HEMK1: variants seen among roughly 807,000 people sequenced by gnomAD.
HEMK1 encodes the protein MTRF1L release factor glutamine methyltransferase.
A neutral mutation model predicts 47.9 loss-of-function variants in HEMK1; 36 were observed. That is an observed-to-expected ratio of 0.75 (90% CI 0.58 to 0.99). HEMK1 has a LOEUF of 0.99. Ranked by LOEUF, HEMK1 falls within the 50% of genes least tolerant of loss-of-function variation. The pLI is 0.00. For synonymous variants in HEMK1, 153 were observed against 165.4 expected, an observed-to-expected ratio of 0.93 and a Z score of 0.57; for missense variants, 383 against 434.5, an observed-to-expected ratio of 0.88 and a Z score of 1.05.
At position 50,571,795 on chromosome 3, in the gene HEMK1, T is replaced by G. The variant is rs752776334; in HGVS notation, c.314T>G (p.Leu105Trp). The change falls in exon 3 of 11, where the codon TTG (leucine) becomes TGG (tryptophan). Residue 105 changes from leucine to tryptophan, a missense_variant. Physicochemically the swap from Leu to Trp is moderately conservative, Grantham distance 61. Transcript: ENST00000232854. Reference protein sequence around the residue: ...QCIRELSSRRLQRMPVQYILG... With the variant: ...QCIRELSSRRWQRMPVQYILG... ...ATCCGGGAGCTGAGTAGCCGTCGAT[T>G]GCAGAGGTGAGCACCCATGGATCAG... 6.2e-7 allele frequency: 1 copy of G among 1,613,990 alleles called. No homozygotes were observed. Among genetic ancestry groups the G allele is most frequent in the South Asian group, 1.1e-5 (1 of 91,086 alleles).
chr3:50,570,506 C>T (rs1700821425), intron 1 of HEMK1: 1 of 152,252 alleles, frequency 6.6e-6, no homozygotes. Flanking sequence ...AACATCTGGT[C>T]CCTGCTGTGT....
chr3:50,576,970 G>A (rs911933197), intron 4 of HEMK1, 82 bp from the exon 5 acceptor site: 21 of 1,536,842 alleles, frequency 1.4e-5, no homozygotes, highest in East Asian at 4.6e-5. Flanking sequence ...ACGTTCACAA[G>A]GGTAACTGCT....
chr3:50,575,487 C>T (rs1428124177), intron 4 of HEMK1, among the ~76,000 whole-genome samples: 4 of 152,168 alleles, frequency 2.6e-5, no homozygotes, highest in African/African-American at 9.7e-5. Flanking sequence ...GGGCCAAGCC[C>T]TGCCAGTGTG....
intron 4 of HEMK1, among the ~76,000 whole-genome samples, chr3:50,573,479 A>G (rs1575909134): frequency 6.6e-6 from 1 of 152,182 alleles, no homozygotes; most frequent in African/African-American, 2.4e-5. Context: ...CTGACCTGGC[A>G]CCAGCCATAT....
At chr3:50,579,000 A>G (rs1394553025) in intron 8 of HEMK1, 74 bp downstream of exon 8, 5 of 1,121,728 alleles carry the variant, frequency 4.5e-6, no homozygotes, top group Admixed American at 2.0e-5. Context: ...CGAGGACCAC[A>G]CCATCTGGAG....
intron 1 of HEMK1, chr3:50,569,901 C>G (rs1307975381): frequency 6.6e-6 from 1 of 152,082 alleles, no homozygotes; most frequent in East Asian, 1.9e-4. Flanking sequence ...GTGGCATGAC[C>G]GCGGCTCGCT....
At chr3:50,579,510 G>A (rs1456970417) in intron 8 of HEMK1, among the ~76,000 whole-genome samples, 1 of 152,144 alleles carries the variant, frequency 6.6e-6, no homozygotes, top group East Asian at 1.9e-4. Flanking sequence ...CTCAGGAGTG[G>A]TCAGGGCTAG....
chr3:50,579,731 A>G (rs2030465629), intron 8 of HEMK1, 113 bp from the exon 9 acceptor site: 3 of 755,794 alleles, frequency 4.0e-6, no homozygotes, highest in Non-Finnish European at 6.6e-6. Flanking sequence ...TTTGCCCTTC[A>G]GCCCAGAGTG....
In HEMK1 at chr3:50,594,721, T is replaced by C. The variant is rs898227382; in HGVS notation, c.*14304T>C. 4.6e-5 allele frequency: 7 copies of C among 152,244 alleles called. No individual in the cohort carries two copies. The highest frequency in any genetic ancestry group is 1.7e-4 in the African/African-American group (7 of 41,472). The allele number at this position is 152,244 out of a possible 1,614,324, so 9.4% of individuals were successfully genotyped here. A position where few individuals can be genotyped will look rare whatever the true frequency, so the allele number is the denominator to read the frequency against. On this transcript the variant is annotated 3_prime_UTR_variant, in exon 11 of 11. Coordinates refer to ENST00000232854, the MANE Select transcript of HEMK1 (RefSeq NM_016173.5). ...GACACATGCCCAGCTCCCTCACCCC[T>C]TGGGTGGGACAACCGTGGCTTGTGT... is the stretch of plus-strand genomic sequence containing the variant.
chr3:50,572,223 A>G lies in HEMK1; in HGVS notation c.414+15A>G. 4 of 1,605,416 alleles carry G rather than the reference A, an allele frequency of 2.5e-6. No individual in the cohort carries two copies. The highest frequency in any genetic ancestry group is 3.4e-6 in the Non-Finnish European group (4 of 1,175,674). On this transcript the variant is annotated intron_variant, in intron 4 of 10. Coordinates refer to ENST00000232854, the MANE Select transcript of HEMK1 (RefSeq NM_016173.5). ...CAGAAACAGAGGTAGGTGTGCCACC[A>G]GGGCAAGGCAGGATCAGGATGATGG... is the stretch of plus-strand genomic sequence containing the variant.
Position 50,580,223 on chromosome 3 carries a change from G to T in HEMK1, c.974G>T (p.Cys325Phe). ...LNLVAVRRDF[C>F]GRPRFLHIRR... ...CTTGTGGCTGTGCGCAGGGACTTCT[G>T]TGGGAGGTAAGATCCTAGCCCCCTT... Residue 325 changes from cysteine to phenylalanine, a missense_variant, in exon 10 of 11, where the codon TGT becomes TTT. Transcript: ENST00000232854. 6 of 1,613,992 alleles carry T rather than the reference G, an allele frequency of 3.7e-6. No individual in the cohort carries two copies. Among genetic ancestry groups the T allele is most frequent in the Non-Finnish European group, 5.1e-6 (6 of 1,179,848 alleles).
intron 4 of HEMK1, 87 bp from the exon 5 acceptor site, chr3:50,576,965 C>T: frequency 1.3e-6 from 2 of 1,521,408 alleles, no homozygotes; most frequent in Non-Finnish European, 1.8e-6. Context: ...TTCCTACGTT[C>T]ACAAGGGTAA....
Position 50,591,471 on chromosome 3 carries a change from ACT to A in HEMK1, c.*11056_*11057del. 1 of 152,124 alleles carries A rather than the reference ACT, an allele frequency of 6.6e-6. No homozygotes were observed. Among genetic ancestry groups the A allele is most frequent in the Non-Finnish European group, 1.5e-5 (1 of 68,072 alleles). The allele number at this position is 152,124 out of a possible 1,614,324, so 9.4% of individuals were successfully genotyped here. Reference sequence around the variant, plus strand: ...AACATCACATGTACACAGCATAGAGACTCACACACCCTTGCACAGGCACCCAC... The same window carrying A: ...AACATCACATGTACACAGCATAGAGACACACACCCTTGCACAGGCACCCAC... On this transcript the variant is annotated 3_prime_UTR_variant, in exon 11 of 11. Transcript: ENST00000232854.
chr3:50,572,027 CT>C (rs1701034617), intron 3 of HEMK1, 87 bp from the exon 4 acceptor site: 1 of 1,584,270 alleles, frequency 6.3e-7, no homozygotes, highest in Non-Finnish European at 8.6e-7. Flanking sequence ...TGCCTGATAC[CT>C]TTGGCCACAA....
chr3:50,578,671 C>A, intron 7 of HEMK1, 150 bp from the exon 8 acceptor site: 1 of 578,192 alleles, frequency 1.7e-6, no homozygotes, highest in Non-Finnish European at 3.1e-6. Context: ...AGCTGGGGAC[C>A]CTGGGCACTA....
In HEMK1 at chr3:50,589,424, T is replaced by TTG. The variant is rs1553623055; in HGVS notation, c.*9008_*9009insGT. The TTG allele has an allele frequency of 2.1e-4, 32 of 150,406 alleles. No homozygotes were observed. Among genetic ancestry groups the TTG allele is most frequent in the African/African-American group, 7.1e-4 (29 of 40,730 alleles). 9.3% of individuals were successfully genotyped at this position (150,406 alleles called of 1,614,324 possible). On this transcript the variant is annotated 3_prime_UTR_variant, in exon 11 of 11. Coordinates refer to ENST00000232854, the MANE Select transcript of HEMK1 (RefSeq NM_016173.5). ...CTGTGTGTGGTTTTTAAAATTGGGT[T>TTG]TTTTTTTTTTCAATAATTAAAAATA...
rs998005017 is a variant in HEMK1, at chr3:50,585,151, A to G, written c.*4734A>G. On this transcript the variant is annotated 3_prime_UTR_variant, in exon 11 of 11. Coordinates refer to ENST00000232854, the MANE Select transcript of HEMK1 (RefSeq NM_016173.5). ...AGTGCAAGGCTGGCCTCCATGGCCC[A>G]TCTCCAGAGACTGGGTCCAGAGAGG... 6.6e-6 allele frequency: 1 copy of G among 152,308 alleles called. No individual in the cohort carries two copies. The highest frequency in any genetic ancestry group is 2.4e-5 in the African/African-American group (1 of 41,454). The allele number at this position is 152,308 out of a possible 1,614,324, so 9.4% of individuals were successfully genotyped here.
rs1216547986 is a variant in HEMK1 at position 50,589,425 on chromosome 3, T to G, written c.*9008T>G. On this transcript the variant is annotated 3_prime_UTR_variant, in exon 11 of 11. Coordinates refer to ENST00000232854, the MANE Select transcript of HEMK1 (RefSeq NM_016173.5). ...TGTGTGTGGTTTTTAAAATTGGGTT[T>G]TTTTTTTTTCAATAATTAAAAATAT... is the stretch of plus-strand genomic sequence containing the variant. 2 of 151,024 alleles carry G rather than the reference T, an allele frequency of 1.3e-5. No individual in the cohort carries two copies. The highest frequency in any genetic ancestry group is 1.9e-4 in the East Asian group (1 of 5,172). The allele number at this position is 151,024 out of a possible 1,614,324, so 9.4% of individuals were successfully genotyped here.
chr3:50,571,534 C>A, intron 2 of HEMK1, 176 bp from the exon 3 acceptor site: 1 of 706,434 alleles, frequency 1.4e-6, no homozygotes, highest in Non-Finnish European at 2.5e-6. Context: ...GGGATAGACA[C>A]CTGGAAGCCT....
Sources: gnomAD v4.1 joint callset for allele counts (sites outside exome capture counted in the v4.1 genomes callset) on GRCh38, gnomAD v4.1.1 for gene constraint, MANE v1.5 for transcripts, NCBI Gene and HGNC (gene_info 2026-07-23, HGNC 2026-07-21) for gene names.